Variants in PHRF1 observed in about 807,000 individuals in gnomAD.
PHRF1 encodes the protein PHD and RING finger domain-containing protein 1.
Under a neutral mutation model 128.9 loss-of-function variants are expected in PHRF1, and 53 were observed. The observed-to-expected ratio is 0.41, with a 90% CI of 0.33 to 0.52. The LOEUF is 0.52. Ranked by LOEUF, PHRF1 falls within the 20% of genes least tolerant of loss-of-function variation. PHRF1 has a pLI of 0.21. For missense variants in PHRF1, 2,503 were observed against 2,284.5 expected, an observed-to-expected ratio of 1.10 and a Z score of -1.95; for synonymous variants, 1,178 against 980.6, an observed-to-expected ratio of 1.20 and a Z score of -3.76.
chr11:606,778 TACCC>T, intron 13 of PHRF1, 182 bp downstream of exon 13: 2 of 978,916 alleles, frequency 2.0e-6, no homozygotes, highest in Non-Finnish European at 2.9e-6. Context: ...TCCGAGTTCT[TACCC>T]AGCCCCACAG....
chr11:611,040 C>G lies in PHRF1; in HGVS notation c.4764C>G (p.Thr1588=), dbSNP rs1856357297. The part of the protein sequence containing the change: ...IKPFYQKREV[T]KEEYKDILRK... ...CCTTCTACCAGAAGAGGGAGGTGAC[C>G]AAGGAGGAGTACAAGGACATCCTGC... Residue 1588 remains threonine (T), a synonymous_variant, in exon 17 of 18, where the codon ACC becomes ACG. Coordinates refer to ENST00000264555, the MANE Select transcript of PHRF1 (RefSeq NM_001286581.2). 6.2e-7 allele frequency: 1 copy of G among 1,613,314 alleles called. No individual in the cohort carries two copies. Among genetic ancestry groups the G allele is most frequent in the Non-Finnish European group, 8.5e-7 (1 of 1,179,764 alleles).
intron 4 of PHRF1, among the ~76,000 whole-genome samples, chr11:588,670 C>CGT: frequency 6.6e-6 from 1 of 152,220 alleles, no homozygotes; most frequent in Admixed American, 6.5e-5. Context: ...TGAGCCACCA[C>CGT]GCCCGGCCAT....
chr11:607,773 AC>A lies in PHRF1; in HGVS notation c.2319del (p.Phe774LeufsTer187), dbSNP rs1422453703. ...ATCAAGAGGGAAAGGGGTCGGGTCG[AC>A]CTTTGAGAGCTTCCGGATCAATATT... The part of the protein sequence containing the change: ...GPSRGKGVGS[T>X]FESFRINIPG... On this transcript the variant is annotated frameshift_variant, in exon 14 of 18. Transcript: ENST00000264555. LOFTEE classifies it high-confidence loss of function. 6.2e-7 allele frequency: 1 copy of A among 1,612,546 alleles called. No individual in the cohort carries two copies. The highest frequency in any genetic ancestry group is 1.1e-5 in the South Asian group (1 of 91,078).
chr11:593,201 C>G (rs150114009), intron 6 of PHRF1, among the ~76,000 whole-genome samples: 2 of 152,258 alleles, frequency 1.3e-5, no homozygotes, highest in Non-Finnish European at 1.5e-5. Flanking sequence ...TGCTTTGTGT[C>G]GTTGGCTGTA....
intron 14 of PHRF1, 90 bp downstream of exon 14, chr11:609,810 G>GCCCCGGCCTCCACCGAGGACAGAGC: frequency 1.2e-6 from 1 of 860,732 alleles, no homozygotes; most frequent in African/African-American, 2.3e-5. Flanking sequence ...CGTGAGTAAG[G>GCCCCGGCCTCCACCGAGGACAGAGC]CCCCGGCCTC....
rs148913741 is a variant in PHRF1, at chr11:606,609, C to T, written c.1609+13C>T. 5.0e-6 allele frequency: 8 copies of T among 1,588,342 alleles called. No homozygotes were observed. The East Asian group carries it at 1.8e-4, about 36-fold the overall frequency. ...GCCAAGAGGGCGGGTGAGTGCCTTC[C>T]CTGCCACGGCCCCTTCCTCTGTGGG... On this transcript the variant is annotated intron_variant, in intron 13 of 17. Transcript: ENST00000264555.
chr11:583,905 A>G (rs919852855), intron 3 of PHRF1, among the ~76,000 whole-genome samples: 5 of 152,166 alleles, frequency 3.3e-5, no homozygotes, highest in Admixed American at 1.3e-4. Flanking sequence ...CAGGCTCAGA[A>G]CTTTGCCTTT....
At chr11:604,109 A>G (rs1429166424) in intron 10 of PHRF1, among the ~76,000 whole-genome samples, 2 of 152,206 alleles carry the variant, frequency 1.3e-5, no homozygotes, top group Admixed American at 6.5e-5. Flanking sequence ...TTGGATAAGG[A>G]CCTGCTATTT....
Position 592,655 on chromosome 11 carries a change from T to C in PHRF1, c.601T>C (p.Cys201Arg). 1 of 1,614,036 alleles carries C rather than the reference T, an allele frequency of 6.2e-7. No homozygotes were observed. The highest frequency in any genetic ancestry group is 8.5e-7 in the Non-Finnish European group (1 of 1,179,886). ...RSDREDRLLL[C>R]DGCDAGYHME... ...CGACCGTGAGGACAGGCTTTTGCTCTGCGACGGCTGCGATGCGGGGTAAGG... is the reference window on the plus strand; with the variant it reads ...CGACCGTGAGGACAGGCTTTTGCTCCGCGACGGCTGCGATGCGGGGTAAGG... The change falls in exon 6 of 18, where the codon TGC (cysteine) becomes CGC (arginine). Residue 201 changes from cysteine to arginine, a missense_variant. Cys to Arg is a radical substitution (Grantham distance 180, BLOSUM62 -3). Transcript: ENST00000264555.
rs1856133715 is a variant in PHRF1, at chr11:608,754, TC to T, written c.3300del (p.Tyr1101MetfsTer98). On this transcript the variant is annotated frameshift_variant, in exon 14 of 18. Transcript: ENST00000264555. LOFTEE classifies it high-confidence loss of function. ...GCGGTCGGGGAGCCCTGGCAGCTCT[TC>T]CTATGAGCACTATGAGAGTAGGAAG... The part of the protein sequence containing the change: ...RSRSGSPGSS[S>X]YEHYESRKKK... 2 of 1,611,164 alleles carry T rather than the reference TC, an allele frequency of 1.2e-6. No individual in the cohort carries two copies. Among genetic ancestry groups the T allele is most frequent in the Non-Finnish European group, 1.7e-6 (2 of 1,179,526 alleles).
chr11:596,150 G>C (rs1042611845), intron 6 of PHRF1, among the ~76,000 whole-genome samples: 2 of 152,158 alleles, frequency 1.3e-5, no homozygotes. Context: ...GAAATCATCA[G>C]CTTGACTCCC....
rs1280728763 is a variant in PHRF1, at chr11:610,613, T to C, written c.4529T>C (p.Val1510Ala). Residue 1510 changes from valine (V) to alanine (A), a missense_variant, in exon 16 of 18, where the codon GTG (valine) becomes GCG (alanine). By Grantham distance (64) the Val-to-Ala change is moderately conservative. Transcript: ENST00000264555. ...QFILQGSLPL[V>A]GCGAAQTLAP... ...ATCCTTCAGGGGAGCCTGCCGCTAG[T>C]GGGCTGTGGGGCAGCACAGACCCTG... The C allele has an allele frequency of 1.1e-5, 17 of 1,606,086 alleles. No individual in the cohort carries two copies. Among genetic ancestry groups the C allele is most frequent in the East Asian group, 8.9e-5 (4 of 44,880 alleles).
chr11:593,854 T>C (rs1160025232), intron 6 of PHRF1, among the ~76,000 whole-genome samples: 9 of 152,194 alleles, frequency 5.9e-5, no homozygotes, highest in Non-Finnish European at 1.5e-5. Context: ...CGTCCCTCCT[T>C]TCTCACGAGT....
intron 4 of PHRF1, among the ~76,000 whole-genome samples, chr11:589,098 T>C (rs569513778): frequency 1.5e-4 from 23 of 150,826 alleles, no homozygotes; most frequent in African/African-American, 5.4e-4. Context: ...ATTGCACCAC[T>C]GCACTCCAGC....
chr11:606,766 G>C, intron 13 of PHRF1, 170 bp downstream of exon 13: 1 of 1,072,102 alleles, frequency 9.3e-7, no homozygotes, highest in Non-Finnish European at 1.3e-6. Context: ...TTCTCAGTTA[G>C]CTCCGAGTTC....
Position 607,226 on chromosome 11 carries a change from C to T in PHRF1, c.1770C>T (p.Arg590=). 1 of 1,612,320 alleles carries T rather than the reference C, an allele frequency of 6.2e-7. No individual in the cohort carries two copies. Among genetic ancestry groups the T allele is most frequent in the Non-Finnish European group, 8.5e-7 (1 of 1,179,696 alleles). ...GGCTCAGCTGTCAAGGCAGGTCCCG[C>T]ACCCCCGCCCGCACCGCGGGGGCGC... ...STGLSCQGRS[R]TPARTAGAPV... Residue 590 remains arginine (R), a synonymous_variant, in exon 14 of 18, where the codon CGC becomes CGT. Coordinates refer to ENST00000264555, the MANE Select transcript of PHRF1 (RefSeq NM_001286581.2).
intron 13 of PHRF1, 63 bp downstream of exon 13, chr11:606,659 A>G: frequency 6.6e-7 from 1 of 1,521,508 alleles, no homozygotes; most frequent in Non-Finnish European, 8.8e-7. Flanking sequence ...GCTGTTCGCA[A>G]GCACTCAGCC....
In PHRF1 at chr11:605,630, C is replaced by T. The variant is rs1296614481; in HGVS notation, c.1360C>T (p.Leu454Phe). Residue 454 changes from leucine (L) to phenylalanine (F), a missense_variant, in exon 12 of 18, where the codon CTT becomes TTT. Physicochemically the swap from Leu to Phe is conservative, Grantham distance 22 (BLOSUM62 0). Coordinates refer to ENST00000264555, the MANE Select transcript of PHRF1 (RefSeq NM_001286581.2). ...DSSEELSANP[L>F]SPLSAKRRAL... ...CAGTGAAGAGCTTTCTGCAAACCCT[C>T]TTTCCCCTCTGAGTGCCAAGAGACG... The T allele has an allele frequency of 2.2e-5, 36 of 1,613,720 alleles. No individual in the cohort carries two copies. Among genetic ancestry groups the T allele is most frequent in the Non-Finnish European group, 3.1e-5 (36 of 1,179,886 alleles).
At chr11:591,625 G>A (rs1854977923) in intron 5 of PHRF1, among the ~76,000 whole-genome samples, 158 bp downstream of exon 5, 2 of 152,340 alleles carry the variant, frequency 1.3e-5, no homozygotes, top group South Asian at 2.1e-4. Flanking sequence ...CATGAGCCCT[G>A]TCTGGGGGGT....
Sources: gnomAD v4.1 joint callset for allele counts (sites outside exome capture counted in the v4.1 genomes callset) on GRCh38, gnomAD v4.1.1 for gene constraint, MANE v1.5 for transcripts, NCBI Gene and HGNC (gene_info 2026-07-23, HGNC 2026-07-21) for gene names.